Variants in DOCK6 observed in about 807,000 individuals in gnomAD.
The protein encoded by DOCK6 is dedicator of cytokinesis protein 6.
Under a neutral mutation model 230.3 loss-of-function variants are expected in DOCK6, and 167 were observed. That is an observed-to-expected ratio of 0.73 (90% CI 0.64 to 0.82). The LOEUF (loss-of-function observed/expected upper bound fraction) is 0.82, where lower values mean the gene tolerates loss of function less well. Ranked by LOEUF, DOCK6 falls within the 40% of genes least tolerant of loss-of-function variation. The pLI is 0.00. For missense variants in DOCK6, 2,598 were observed against 2,825.8 expected (o/e 0.92, Z 1.83); for synonymous variants, 1,148 against 1,185.0 (o/e 0.97, Z 0.64).
chr19:11,203,953 G>GGCCACA, intron 41 of DOCK6, 128 bp downstream of exon 41: 1 of 1,274,106 alleles, frequency 7.8e-7, no homozygotes, highest in South Asian at 1.4e-5. Context: ...GGTCCCTTGT[G>GGCCACA]GCCACAGCCC....
chr19:11,229,187 C>T (rs994869157), intron 22 of DOCK6, 152 bp from the exon 23 acceptor site: 5 of 1,242,674 alleles, frequency 4.0e-6, no homozygotes, highest in African/African-American at 1.5e-5. Context: ...GTGGAAGTGC[C>T]CTTTCCCTGG....
In DOCK6 at chr19:11,226,384, C is replaced by G. The variant is rs143498391; in HGVS notation, c.2955+953G>C. On this transcript the variant is annotated intron_variant, in intron 24 of 47. Coordinates refer to ENST00000294618, the MANE Select transcript of DOCK6 (RefSeq NM_020812.4). ...TTTAATGATACGATCCAAGGCCGGG[C>G]GCGGTGGCTCACGCCTGTAATCCCA... is the stretch of plus-strand genomic sequence containing the variant. Among the ~76,000 whole-genome samples the G allele has an allele frequency of 2.0e-5, 3 of 152,144 alleles. No individual in the cohort carries two copies. The South Asian group carries it at 6.2e-4, about 32-fold the overall frequency.
chr19:11,252,717 G>A (rs1440329350), intron 3 of DOCK6, 66 bp downstream of exon 3: 2 of 1,595,914 alleles, frequency 1.3e-6, no homozygotes, highest in East Asian at 2.2e-5. Context: ...CTGAAGTCGG[G>A]CTGTTGATGG....
rs577545245 is a variant in DOCK6, at chr19:11,225,107, A to AGT, written c.2956-2003_2956-2002dup. Among the ~76,000 whole-genome samples, 627 of 151,700 alleles carry AGT rather than the reference A, an allele frequency of 4.1e-3. 8 individuals carry two copies. The highest frequency in any genetic ancestry group is 0.031 in the Middle Eastern group (9 of 288). On this transcript the variant is annotated intron_variant, in intron 24 of 47. Coordinates refer to ENST00000294618, the MANE Select transcript of DOCK6 (RefSeq NM_020812.4). ...GCCGGGCATGGTGGCGCACCCCTGT[A>AGT]GTCCCAGCTACTCAGGAGGCTGAGG...
At position 11,203,000 on chromosome 19, in the gene DOCK6, T is replaced by C. The variant is rs1311927657; in HGVS notation, c.5236-291A>G. Among the ~76,000 whole-genome samples the C allele has an allele frequency of 6.6e-6, 1 of 152,176 alleles. No individual in the cohort carries two copies. Among genetic ancestry groups the C allele is most frequent in the Non-Finnish European group, 1.5e-5 (1 of 68,022 alleles). ...GGAGAGGGATGGCTGTCTCTCACTC[T>C]AGGATGGAGGCTCTGCCTCCTTTGT... On this transcript the variant is annotated intron_variant, in intron 41 of 47. Transcript: ENST00000294618. The surrounding 1 kb of genome is among the most constrained non-coding windows in gnomAD (Gnocchi z 5.3).
In DOCK6 at chr19:11,216,024, C is replaced by T. The variant is rs138896815; in HGVS notation, c.3895-97G>A. 9.3e-5 allele frequency: 140 copies of T among 1,497,398 alleles called. No individual in the cohort carries two copies. The East Asian group carries it at 1.4e-3, about 15-fold the overall frequency. The allele number at this position is 1,497,398 out of a possible 1,614,324, so 92.8% of individuals were successfully genotyped here. ...CTTTCTTTGTGCTCTTTCTCACCTC[C>T]GGGCCCCTGTGCTTAAAGACAGATT... On this transcript the variant is annotated intron_variant, in intron 30 of 47. Coordinates refer to ENST00000294618, the MANE Select transcript of DOCK6 (RefSeq NM_020812.4).
rs761196348 is a variant in DOCK6 at position 11,248,095 on chromosome 19, T to G, written c.777A>C (p.Gln259His). Residue 259 changes from glutamine (Q) to histidine (H), a missense_variant, in exon 7 of 48, where the codon CAA (glutamine) becomes CAC (histidine). Gln to His is a conservative substitution (Grantham distance 24). Coordinates refer to ENST00000294618, the MANE Select transcript of DOCK6 (RefSeq NM_020812.4). ...RPEPPREHFG[Q>H]RILVKCLSLK... ...GCGACAGACACTTGACCAAGATCCT[T>G]TGTCCAAAGTGCTCGCGGGGTGGCT... 5 of 1,612,564 alleles carry G rather than the reference T, an allele frequency of 3.1e-6. No individual in the cohort carries two copies. The highest frequency in any genetic ancestry group is 4.2e-6 in the Non-Finnish European group (5 of 1,179,460).
rs1031588759 is a variant in DOCK6 at position 11,201,146 on chromosome 19, G to C, written c.5689-94C>G. ...GCAGCTCAGACCCCGCTGGGAGTGA[G>C]AGGGGTCCAAGAACCCAGGCAATGA... is the stretch of plus-strand genomic sequence containing the variant. On this transcript the variant is annotated intron_variant, in intron 44 of 47. Transcript: ENST00000294618. The surrounding 1 kb of genome is among the most constrained non-coding windows in gnomAD (Gnocchi z 4.3). The C allele has an allele frequency of 1.3e-6, 2 of 1,485,412 alleles. No individual in the cohort carries two copies. The highest frequency in any genetic ancestry group is 1.8e-6 in the Non-Finnish European group (2 of 1,096,026). 92.0% of individuals were successfully genotyped at this position (1,485,412 alleles called of 1,614,324 possible). A position where few individuals can be genotyped will look rare whatever the true frequency, so the allele number is the denominator to read the frequency against.
intron 8 of DOCK6, 39 bp downstream of exon 8, chr19:11,245,773 G>A (rs1467033157): frequency 1.2e-6 from 2 of 1,600,118 alleles, no homozygotes; most frequent in Non-Finnish European, 1.7e-6. Flanking sequence ...CCCCAACAAG[G>A]AGAAGGAAGG....
chr19:11,253,769 G>C (rs373249791), intron 1 of DOCK6, 43 bp from the exon 2 acceptor site: 1 of 1,318,444 alleles, frequency 7.6e-7, no homozygotes, highest in African/African-American at 1.6e-5. Flanking sequence ...GGAAAACTCA[G>C]GCAGCGGAGC....
At chr19:11,261,240 A>G (rs2080282538) in intron 1 of DOCK6, among the ~76,000 whole-genome samples, 1 of 151,426 alleles carries the variant, frequency 6.6e-6, no homozygotes, top group African/African-American at 2.4e-5. Context: ...TCCCCCCACA[A>G]ACTGGCCTCG....
intron 28 of DOCK6, among the ~76,000 whole-genome samples, chr19:11,219,654 G>A (rs2079551096): frequency 6.6e-6 from 1 of 151,684 alleles, no homozygotes; most frequent in Non-Finnish European, 1.5e-5. Flanking sequence ...GTCAGGCGTG[G>A]TGACGGGCGC....
chr19:11,240,096 G>A, intron 14 of DOCK6: 1 of 1,551,216 alleles, frequency 6.4e-7, no homozygotes, highest in East Asian at 2.4e-5. Flanking sequence ...ACAAAGATGA[G>A]TTGGACATCC....
intron 41 of DOCK6, 84 bp downstream of exon 41, chr19:11,203,997 T>G (rs1256462949): frequency 1.3e-6 from 2 of 1,525,354 alleles, no homozygotes; most frequent in Non-Finnish European, 1.8e-6. Context: ...GCTCCTCTGG[T>G]GCCCCCTGGT....
chr19:11,214,163 G>A (rs1465491929), intron 34 of DOCK6, 112 bp downstream of exon 34: 29 of 1,414,104 alleles, frequency 2.1e-5, no homozygotes, highest in South Asian at 1.6e-4. Context: ...GGCCTCAAGC[G>A]ATCCTCCCAC....
At position 11,221,613 on chromosome 19, in the gene DOCK6, C is replaced by A. The variant is rs1011778989; in HGVS notation, c.3550+238G>T. The stretch of plus-strand genomic sequence containing the variant: ...ACAATATCTCAGTACTACAGCCCCC[C>A]ACATTTTCACATAACCTTATGAAGT... On this transcript the variant is annotated intron_variant, in intron 28 of 47. Transcript: ENST00000294618. 9 of 559,708 alleles carry A rather than the reference C, an allele frequency of 1.6e-5. No individual in the cohort carries two copies. The Middle Eastern group carries it at 1.4e-3, about 87-fold the overall frequency. The allele number at this position is 559,708 out of a possible 1,614,324, so 34.7% of individuals were successfully genotyped here. A position where few individuals can be genotyped will look rare whatever the true frequency, so the allele number is the denominator to read the frequency against.
chr19:11,224,564 T>C (rs2079634750), intron 24 of DOCK6, among the ~76,000 whole-genome samples: 1 of 152,126 alleles, frequency 6.6e-6, no homozygotes, highest in South Asian at 2.1e-4. Flanking sequence ...TCAGAGATAC[T>C]GAAGGATACC....
At position 11,238,233 on chromosome 19, in the gene DOCK6, A is replaced by C; in HGVS notation, c.1715T>G (p.Val572Gly). 1.9e-6 allele frequency: 3 copies of C among 1,613,532 alleles called. No homozygotes were observed. Among genetic ancestry groups the C allele is most frequent in the Non-Finnish European group, 2.5e-6 (3 of 1,179,588 alleles). ...SRQGSVRNLAVRVQYMTGEDP... is the reference protein window; with the variant it reads ...SRQGSVRNLAGRVQYMTGEDP... ...CTCGCCTGTCATGTACTGCACTCGC[A>C]CAGCAAGGTTGCGCACGGAGCCCTG... The change falls in exon 15 of 48, where the codon GTG becomes GGG. Residue 572 changes from valine (V) to glycine (G), a missense_variant. By Grantham distance (109) the Val-to-Gly change is moderately radical. Coordinates refer to ENST00000294618, the MANE Select transcript of DOCK6 (RefSeq NM_020812.4).
rs768557856 is a variant in DOCK6, at chr19:11,243,237, C to G, written c.1386+21G>C. 1.9e-6 allele frequency: 3 copies of G among 1,613,210 alleles called. No individual in the cohort carries two copies. In the Admixed American group the frequency reaches 5.0e-5, roughly 27 times the overall value. On this transcript the variant is annotated intron_variant, in intron 12 of 47. Coordinates refer to ENST00000294618, the MANE Select transcript of DOCK6 (RefSeq NM_020812.4). The surrounding 1 kb of genome is among the most constrained non-coding windows in gnomAD (Gnocchi z 6.3). ...GCAGCCAGCGGGGAGTGGGAGAGTC[C>G]CTGGCCCCAGGGTAGGACACCTGCT...
Sources: allele counts gnomAD v4.1 joint callset (sites outside exome capture counted in the v4.1 genomes callset), GRCh38; gene constraint gnomAD v4.1.1; non-coding constraint Gnocchi (gnomAD v3.1); transcripts MANE v1.5; gene names NCBI Gene and HGNC (gene_info 2026-07-23, HGNC 2026-07-21).